CPEB2: variants seen among roughly 807,000 people sequenced by gnomAD.
The protein encoded by CPEB2 is cytoplasmic polyadenylation element binding protein 2.
CPEB2 carries 56 observed loss-of-function variants against 93.6 expected under a neutral mutation model. The observed-to-expected ratio is 0.60, with a 90% CI of 0.48 to 0.75. The LOEUF (loss-of-function observed/expected upper bound fraction) is 0.75. Ranked by LOEUF, CPEB2 falls within the 30% of genes least tolerant of loss-of-function variation. The probability of loss-of-function intolerance (pLI) is 0.00; values close to 1 mark genes in which losing one functional copy is unlikely to be tolerated. For missense variants in CPEB2, 1,579 were observed against 1,395.1 expected, an observed-to-expected ratio of 1.13 and a Z score of -2.10; for synonymous variants, 764 against 586.3, an observed-to-expected ratio of 1.30 and a Z score of -4.38.
chr4:15,019,362 G>T (rs1224000998), intron 4 of CPEB2, among the ~76,000 whole-genome samples: 1 of 150,868 alleles, frequency 6.6e-6, no homozygotes, highest in Non-Finnish European at 1.5e-5. Context: ...CTGCCTTCTG[G>T]GATATTATGT....
At position 15,004,294 on chromosome 4, in the gene CPEB2, G is replaced by A. The variant is rs1434347675; in HGVS notation, c.1621G>A (p.Ala541Thr). ...QLQQQHQAAA[A>T]AFLQQRNSYN... The stretch of plus-strand genomic sequence containing the variant: ...CCAGCAGCAGCACCAGGCGGCGGCC[G>A]CCGCCTTCCTGCAGCAGAGGAACTC... Residue 541 changes from alanine (A) to threonine (T), a missense_variant, in exon 1 of 12, where the codon GCC (alanine) becomes ACC (threonine). By Grantham distance (58) the Ala-to-Thr change is moderately conservative (BLOSUM62 0). Around this residue, in one of 2 missense-constraint regions of CPEB2, gnomAD observed 1,411 missense variants for 1,056.0 expected, o/e 1.34. Transcript: ENST00000538197. 1.3e-6 allele frequency: 2 copies of A among 1,490,050 alleles called. No individual in the cohort carries two copies. Among genetic ancestry groups the A allele is most frequent in the Admixed American group, 4.5e-5 (2 of 44,832 alleles). The allele number at this position is 1,490,050 out of a possible 1,614,324, so 92.3% of individuals were successfully genotyped here. A position where few individuals can be genotyped will look rare whatever the true frequency, so the allele number is the denominator to read the frequency against.
rs909128203 is a variant in CPEB2 at position 15,058,467 on chromosome 4, C to T, written c.2508C>T (p.Leu836=). ...LFQEESSVQA[L]IDACIEEDGK... Reference sequence around the variant, plus strand: ...AAGAAGAGAGCTCAGTTCAGGCACTCATTGATGCTTGTATTGAAGAAGATG... The same window carrying T: ...AAGAAGAGAGCTCAGTTCAGGCACTTATTGATGCTTGTATTGAAGAAGATG... Residue 836 remains leucine (L), a synonymous_variant, in exon 9 of 12, where the codon CTC becomes CTT. Coordinates refer to ENST00000538197, the MANE Select transcript of CPEB2 (RefSeq NM_001177382.2). The T allele has an allele frequency of 8.1e-6, 13 of 1,612,808 alleles. No individual in the cohort carries two copies. The highest frequency in any genetic ancestry group is 1.0e-5 in the Non-Finnish European group (12 of 1,179,070).
At chr4:15,057,908 G>A (rs941369657) in intron 8 of CPEB2, among the ~76,000 whole-genome samples, 2 of 152,072 alleles carry the variant, frequency 1.3e-5, no homozygotes, top group African/African-American at 4.8e-5. Flanking sequence ...CTTTCCAAGT[G>A]CGTTCCAGTC....
At chr4:15,059,505 T>C (rs1415624123) in intron 10 of CPEB2, among the ~76,000 whole-genome samples, 2 of 152,126 alleles carry the variant, frequency 1.3e-5, no homozygotes, top group Non-Finnish European at 2.9e-5. Flanking sequence ...GAGAATTGGG[T>C]ACTTATCTAT....
chr4:15,019,851 T>A (rs1724621470), intron 4 of CPEB2, among the ~76,000 whole-genome samples: 1 of 152,048 alleles, frequency 6.6e-6, no homozygotes, highest in Non-Finnish European at 1.5e-5. Flanking sequence ...TCCCAAAATT[T>A]AGCAGATCAA....
rs1459986327 is a variant in CPEB2 at position 15,004,105 on chromosome 4, G to A, written c.1432G>A (p.Val478Ile). The A allele has an allele frequency of 2.6e-6, 4 of 1,555,096 alleles. No individual in the cohort carries two copies. Among genetic ancestry groups the A allele is most frequent in the African/African-American group, 1.4e-5 (1 of 69,678 alleles). ...GCCGCACGGCTGCACTGGGCTCAGC[G>A]TTCCGACGAGCGGCGGCGGCGGCGG... Reference protein sequence around the residue: ...VSPHGCTGLSVPTSGGGGGGF... With the variant: ...VSPHGCTGLSIPTSGGGGGGF... Residue 478 changes from valine (V) to isoleucine (I), a missense_variant, in exon 1 of 12, where the codon GTT (valine) becomes ATT (isoleucine). Around this residue, in one of 2 missense-constraint regions of CPEB2, gnomAD observed 1,411 missense variants for 1,056.0 expected, o/e 1.34. Coordinates refer to ENST00000538197, the MANE Select transcript of CPEB2 (RefSeq NM_001177382.2).
At chr4:15,031,231 A>G (rs1322068031) in intron 4 of CPEB2, among the ~76,000 whole-genome samples, 1 of 151,194 alleles carries the variant, frequency 6.6e-6, no homozygotes, top group Non-Finnish European at 1.5e-5. Context: ...TAATTAACTT[A>G]TTATGCTGAA....
rs185814549 is a variant in CPEB2, at chr4:15,059,392, A to G, written c.2695+91A>G. 9.4e-5 allele frequency: 71 copies of G among 755,640 alleles called. No homozygotes were observed. The African/African-American group carries it at 1.1e-3, about 12-fold the overall frequency. The allele number at this position is 755,640 out of a possible 1,614,324, so 46.8% of individuals were successfully genotyped here. A position where few individuals can be genotyped will look rare whatever the true frequency, so the allele number is the denominator to read the frequency against. ...ACGTTTGGAAGCTATTGTGTACATGACACTATTGGACAGAGCAGGAGCAGA... is the reference window on the plus strand; with the variant it reads ...ACGTTTGGAAGCTATTGTGTACATGGCACTATTGGACAGAGCAGGAGCAGA... On this transcript the variant is annotated intron_variant, in intron 10 of 11. Transcript: ENST00000538197.
chr4:15,036,003 T>C (rs1476916947), intron 5 of CPEB2, among the ~76,000 whole-genome samples: 1 of 152,234 alleles, frequency 6.6e-6, no homozygotes, highest in East Asian at 1.9e-4. Flanking sequence ...TTTATGATTC[T>C]ACCTTAATAG....
chr4:15,003,200 G>A lies in CPEB2; in HGVS notation c.527G>A (p.Ser176Asn), dbSNP rs1360954803. The A allele has an allele frequency of 6.5e-7, 1 of 1,533,998 alleles. No homozygotes were observed. The highest frequency in any genetic ancestry group is 8.7e-7 in the Non-Finnish European group (1 of 1,146,248). Residue 176 changes from serine to asparagine, a missense_variant, in exon 1 of 12, where the codon AGC (serine) becomes AAC (asparagine). Around this residue, in one of 2 missense-constraint regions of CPEB2, gnomAD observed 1,411 missense variants for 1,056.0 expected, o/e 1.34. Coordinates refer to ENST00000538197, the MANE Select transcript of CPEB2 (RefSeq NM_001177382.2). ...AAGCGGCAGCAGCAGCAGCTGAGCAGCCAGAAGAGGAAAGAGTTCAGCCCT... is the reference window on the plus strand; with the variant it reads ...AAGCGGCAGCAGCAGCAGCTGAGCAACCAGAAGAGGAAAGAGTTCAGCCCT... ...FSKRQQQQLSSQKRKEFSPPH... is the reference protein window; with the variant it reads ...FSKRQQQQLSNQKRKEFSPPH...
At chr4:15,026,254 TC>T (rs1224865010) in intron 4 of CPEB2, among the ~76,000 whole-genome samples, 3 of 150,996 alleles carry the variant, frequency 2.0e-5, no homozygotes, top group Non-Finnish European at 4.4e-5. Context: ...TGAGATGGAG[TC>T]TTGCTCTGTC....
At position 15,002,819 on chromosome 4, in the gene CPEB2, C is replaced by G. The variant is rs1251933492; in HGVS notation, c.146C>G (p.Ser49Trp). ...LPSATPFGPLSPPPLPVTGFL... is the reference protein window; with the variant it reads ...LPSATPFGPLWPPPLPVTGFL... ...TCCGCCACGCCCTTCGGCCCACTGT[C>G]GCCACCACCGTTGCCTGTCACCGGC... is the stretch of plus-strand genomic sequence containing the variant. Residue 49 changes from serine to tryptophan, a missense_variant, in exon 1 of 12, where the codon TCG (serine) becomes TGG (tryptophan). Coordinates refer to ENST00000538197, the MANE Select transcript of CPEB2 (RefSeq NM_001177382.2). 1.1e-5 allele frequency: 17 copies of G among 1,535,344 alleles called. No individual in the cohort carries two copies. Among genetic ancestry groups the G allele is most frequent in the African/African-American group, 1.4e-5 (1 of 73,024 alleles).
chr4:15,029,522 T>C (rs1363015504), intron 4 of CPEB2, among the ~76,000 whole-genome samples: 2 of 152,114 alleles, frequency 1.3e-5, no homozygotes, highest in Non-Finnish European at 2.9e-5. Context: ...TTTATTGATA[T>C]ATTAAACCAT....
At chr4:15,006,083 G>T (rs2108947704) in intron 1 of CPEB2, among the ~76,000 whole-genome samples, 1 of 152,290 alleles carries the variant, frequency 6.6e-6, no homozygotes, top group Admixed American at 6.5e-5. Flanking sequence ...ATCACTGGAA[G>T]ATAACTTTGA....
In CPEB2 at chr4:15,003,789, G is replaced by A. The variant is rs1346321799; in HGVS notation, c.1116G>A (p.Ser372=). Reference sequence around the variant, plus strand: ...GCGGAGGGGGAGGCGGCTCCGCGTCGCCGCCGCCGCTGCCCGGCTTCGGCA... The same window carrying A: ...GCGGAGGGGGAGGCGGCTCCGCGTCACCGCCGCCGCTGCCCGGCTTCGGCA... ...PGGGGGGGSA[S]PPPLPGFGTP... The change falls in exon 1 of 12, where the codon TCG becomes TCA. Residue 372 remains serine, a synonymous_variant. Coordinates refer to ENST00000538197, the MANE Select transcript of CPEB2 (RefSeq NM_001177382.2). 1 of 870,474 alleles carries A rather than the reference G, an allele frequency of 1.1e-6. No homozygotes were observed. The allele number at this position is 870,474 out of a possible 1,614,324, so 53.9% of individuals were successfully genotyped here. A position where few individuals can be genotyped will look rare whatever the true frequency, so the allele number is the denominator to read the frequency against.
intron 7 of CPEB2, among the ~76,000 whole-genome samples, chr4:15,053,019 A>AT (rs200792935): frequency 9.7e-5 from 14 of 144,606 alleles, no homozygotes; most frequent in East Asian, 6.1e-4. Context: ...TTATTTATTT[A>AT]TTTATTTTTT....
At chr4:15,030,488 T>C (rs939492451) in intron 4 of CPEB2, among the ~76,000 whole-genome samples, 10 of 152,088 alleles carry the variant, frequency 6.6e-5, no homozygotes, top group African/African-American at 2.2e-4. Context: ...GTAAAGAACA[T>C]AGAAAAGCTC....
intron 4 of CPEB2, among the ~76,000 whole-genome samples, chr4:15,031,986 C>T (rs746783239): frequency 6.6e-6 from 1 of 152,106 alleles, no homozygotes; most frequent in Non-Finnish European, 1.5e-5. Context: ...ATCTGTACTC[C>T]TTACTTGTGT....
At chr4:15,045,483 G>C (rs1452904612) in intron 6 of CPEB2, among the ~76,000 whole-genome samples, 1 of 151,928 alleles carries the variant, frequency 6.6e-6, no homozygotes, top group Non-Finnish European at 1.5e-5. Flanking sequence ...GTTTATTCTT[G>C]TTGCCTTGTA....
Sources: gnomAD v4.1 joint callset for allele counts (sites outside exome capture counted in the v4.1 genomes callset) on GRCh38, gnomAD v4.1.1 for gene constraint, gnomAD v4.1.1 regional missense constraint, MANE v1.5 for transcripts, NCBI Gene and HGNC (gene_info 2026-07-23, HGNC 2026-07-21) for gene names.